CFHR5: variants seen among roughly 807,000 people sequenced by gnomAD.
CFHR5 encodes complement factor H-related protein 5.
CFHR5 carries 73 observed loss-of-function variants against 62.9 expected under a neutral mutation model. That is an observed-to-expected ratio of 1.16 (90% CI 0.96 to 1.41). The LOEUF (loss-of-function observed/expected upper bound fraction) is 1.41, where lower values mean the gene tolerates loss of function less well. Among genes scored for constraint, CFHR5 ranks in the 40% most tolerant of loss-of-function variants. The pLI is 0.00. For synonymous variants in CFHR5, 249 were observed against 227.2 expected, an observed-to-expected ratio of 1.10 and a Z score of -0.86; for missense variants, 779 against 679.9, an observed-to-expected ratio of 1.15 and a Z score of -1.62.
At chr1:196,996,250 T>G (rs1476942019) in intron 6 of CFHR5, 49 bp downstream of exon 6, 2 of 1,425,688 alleles carry the variant, frequency 1.4e-6, no homozygotes, top group Admixed American at 3.4e-5. Context: ...TCATTTTGAT[T>G]GGGATTGTAT....
intron 3 of CFHR5, among the ~76,000 whole-genome samples, chr1:196,987,745 A>G (rs1416420263): frequency 6.6e-6 from 1 of 152,148 alleles, no homozygotes; most frequent in Non-Finnish European, 1.5e-5. Context: ...TACCAGTACC[A>G]TGCTGTTTTG....
At chr1:197,007,915 T>C (rs1654333477) in intron 9 of CFHR5, among the ~76,000 whole-genome samples, 1 of 147,334 alleles carries the variant, frequency 6.8e-6, no homozygotes. Flanking sequence ...TTAACGTACA[T>C]ATATTACAAT....
intron 3 of CFHR5, among the ~76,000 whole-genome samples, chr1:196,990,760 CCCTTTGTGGGTAACCCAA>C (rs1488961368): frequency 6.6e-6 from 1 of 152,136 alleles, no homozygotes; most frequent in Non-Finnish European, 1.5e-5. Context: ...TGATGGGCTT[CCCTTTGTGGGTAACCCAA>C]CCTTTCTCTC....
chr1:196,983,376 G>T (rs535165113), intron 2 of CFHR5, among the ~76,000 whole-genome samples: 8 of 152,132 alleles, frequency 5.3e-5, no homozygotes, highest in Non-Finnish European at 1.0e-4. Context: ...TTCGGTAGCA[G>T]CCTGATCATA....
intron 3 of CFHR5, among the ~76,000 whole-genome samples, chr1:196,992,108 C>A (rs1225583795): frequency 1.3e-5 from 2 of 152,192 alleles, no homozygotes; most frequent in African/African-American, 4.8e-5. Flanking sequence ...GGACGCCCCT[C>A]CCCCTGCCAG....
At chr1:196,990,807 T>C (rs1345281347) in intron 3 of CFHR5, among the ~76,000 whole-genome samples, 1 of 152,172 alleles carries the variant, frequency 6.6e-6, no homozygotes, top group East Asian at 1.9e-4. Context: ...ATTAACATAT[T>C]TTCCTTCATT....
chr1:196,983,642 C>T (rs1356743646), intron 2 of CFHR5, among the ~76,000 whole-genome samples: 1 of 152,034 alleles, frequency 6.6e-6, no homozygotes, highest in South Asian at 2.1e-4. Context: ...AATGGTCTTT[C>T]TCCTTTTGTA....
intron 1 of CFHR5, among the ~76,000 whole-genome samples, chr1:196,980,044 G>A (rs142007688): frequency 1.8e-3 from 272 of 151,562 alleles, no homozygotes; most frequent in Non-Finnish European, 3.5e-3. Flanking sequence ...ACACCTTTTT[G>A]TTAAAAGCAG....
chr1:196,992,978 T>C (rs1304908665), intron 3 of CFHR5, among the ~76,000 whole-genome samples: 2 of 152,172 alleles, frequency 1.3e-5, no homozygotes, highest in Non-Finnish European at 2.9e-5. Flanking sequence ...TTGTCTTGAA[T>C]GTCAATTATT....
chr1:196,986,757 C>T (rs538419128), intron 3 of CFHR5, among the ~76,000 whole-genome samples: 2 of 152,252 alleles, frequency 1.3e-5, no homozygotes, highest in South Asian at 4.1e-4. Flanking sequence ...TTTTCTTAAT[C>T]CAGTCTATCA....
chr1:196,978,798 A>G, intron 1 of CFHR5, among the ~76,000 whole-genome samples: 1 of 152,142 alleles, frequency 6.6e-6, no homozygotes, highest in East Asian at 1.9e-4. Flanking sequence ...ATCTGTTACA[A>G]ATGGCATTAC....
At chr1:197,005,531 C>A (rs1443555229) in intron 9 of CFHR5, among the ~76,000 whole-genome samples, 2 of 152,114 alleles carry the variant, frequency 1.3e-5, no homozygotes, top group Non-Finnish European at 2.9e-5. Context: ...AAAGGAGATT[C>A]TTTTATCGGT....
intron 1 of CFHR5, among the ~76,000 whole-genome samples, chr1:196,981,258 G>A (rs1374081325): frequency 9.2e-5 from 14 of 151,984 alleles, no homozygotes; most frequent in Admixed American, 9.2e-4. Flanking sequence ...ACTATATTGA[G>A]GAAATATCTC....
chr1:197,000,198 G>A (rs1654113668), intron 7 of CFHR5, among the ~76,000 whole-genome samples: 1 of 152,080 alleles, frequency 6.6e-6, no homozygotes, highest in African/African-American at 2.4e-5. Flanking sequence ...CTTATTTAAA[G>A]TTTTGAGAAG....
chr1:196,979,186 G>A (rs1000815013), intron 1 of CFHR5, among the ~76,000 whole-genome samples: 19 of 152,096 alleles, frequency 1.2e-4, no homozygotes, highest in Middle Eastern at 6.8e-3. Flanking sequence ...CTACTACTTA[G>A]AGTGTCCTAA....
rs780377304 is a variant in CFHR5, at chr1:196,983,125, GA to G, written c.253+47del. On this transcript the variant is annotated intron_variant, in intron 2 of 9. Transcript: ENST00000256785. ...TTAAATGGATGTCATTCAGTGAATA[GA>G]GAAGGATGTGCCGGACAAGATCATA... The G allele has an allele frequency of 5.0e-6, 8 of 1,610,750 alleles. No individual in the cohort carries two copies. In the South Asian group the frequency reaches 8.8e-5, roughly 18 times the overall value.
Position 196,982,902 on chromosome 1 carries a change from C to T in CFHR5, c.76C>T (p.Pro26Ser), listed in dbSNP as rs1653577983. The change falls in exon 2 of 10, where the codon CCA becomes TCA. Residue 26 changes from proline to serine, a missense_variant. Physicochemically the swap from Pro to Ser is moderately conservative, Grantham distance 74 (BLOSUM62 -1). Coordinates refer to ENST00000256785, the MANE Select transcript of CFHR5 (RefSeq NM_030787.4). ...TTTCCCAGGAACACTTTGTGATTTT[C>T]CAAAAATACACCATGGATTTCTGTA... ...VGGEGTLCDF[P>S]KIHHGFLYDE... The T allele has an allele frequency of 5.6e-6, 9 of 1,613,854 alleles. No individual in the cohort carries two copies. Among genetic ancestry groups the T allele is most frequent in the Non-Finnish European group, 6.8e-6 (8 of 1,179,908 alleles).
At position 196,982,999 on chromosome 1, in the gene CFHR5, A is replaced by G. The variant is rs1240681249; in HGVS notation, c.173A>G (p.Asn58Ser). 8 of 1,613,968 alleles carry G rather than the reference A, an allele frequency of 5.0e-6. No homozygotes were observed. Among genetic ancestry groups the G allele is most frequent in the Non-Finnish European group, 6.8e-6 (8 of 1,180,024 alleles). The change falls in exon 2 of 10, where the codon AAT (asparagine) becomes AGT (serine). Residue 58 changes from asparagine (N) to serine (S), a missense_variant. Transcript: ENST00000256785. ...GEVFYYSCEY[N>S]FVSPSKSFWT... ...GTTTTCTATTACTCCTGTGAATATA[A>G]TTTTGTGTCTCCTTCAAAATCCTTT...
At chr1:196,987,272 G>A (rs1653715683) in intron 3 of CFHR5, among the ~76,000 whole-genome samples, 1 of 151,968 alleles carries the variant, frequency 6.6e-6, no homozygotes, top group Non-Finnish European at 1.5e-5. Context: ...CCCTTTATCA[G>A]ATGGGTAGAT....
Sources: gnomAD v4.1 joint callset for allele counts (sites outside exome capture counted in the v4.1 genomes callset) on GRCh38, gnomAD v4.1.1 for gene constraint, MANE v1.5 for transcripts, NCBI Gene and HGNC (gene_info 2026-07-23, HGNC 2026-07-21) for gene names.